Variants in EXOSC2 observed in about 807,000 individuals in gnomAD.
The protein encoded by EXOSC2 is exosome component 2.
Under a neutral mutation model 37.6 loss-of-function variants are expected in EXOSC2, and 29 were observed. That is an observed-to-expected ratio of 0.77 (90% CI 0.57 to 1.05). EXOSC2 has a LOEUF of 1.05. EXOSC2 is among the 50% of genes least tolerant of loss of function. The probability of loss-of-function intolerance (pLI) is 0.00; values close to 1 mark genes in which losing one functional copy is unlikely to be tolerated. For synonymous variants in EXOSC2, 119 were observed against 131.1 expected, an observed-to-expected ratio of 0.91 and a Z score of 0.63; for missense variants, 346 against 365.6, an observed-to-expected ratio of 0.95 and a Z score of 0.44.
In EXOSC2 at chr9:130,698,116, C is replaced by A; in HGVS notation, c.271-46C>A. On this transcript the variant is annotated intron_variant, in intron 3 of 8. Coordinates refer to ENST00000372358, the MANE Select transcript of EXOSC2 (RefSeq NM_014285.7). This position sits in a 1 kb window ranked among gnomAD's most constrained non-coding sequence, Gnocchi z 4.1. Reference sequence around the variant, plus strand: ...GCCTTACTGGTTATTTATGATATGACACATGAACATGGAGCATGTGTCCAG... The same window carrying A: ...GCCTTACTGGTTATTTATGATATGAAACATGAACATGGAGCATGTGTCCAG... 1.3e-6 allele frequency: 2 copies of A among 1,564,342 alleles called. No homozygotes were observed. Among genetic ancestry groups the A allele is most frequent in the Non-Finnish European group, 1.8e-6 (2 of 1,135,194 alleles).
intron 6 of EXOSC2, 102 bp from the exon 7 acceptor site, chr9:130,702,032 A>G: frequency 6.8e-7 from 1 of 1,475,594 alleles, no homozygotes; most frequent in African/African-American, 1.4e-5. Context: ...ATAAACAGGA[A>G]GGACACCAAT....
Position 130,698,314 on chromosome 9 carries a change from T to G in EXOSC2, c.360+63T>G, listed in dbSNP as rs922259335. ...TGGGCTGGGGGGAGCCGTGGGACCC[T>G]TTGTTCCACCAGAGGACTTTGATTT... On this transcript the variant is annotated intron_variant, in intron 4 of 8. Transcript: ENST00000372358. This position sits in a 1 kb window ranked among gnomAD's most constrained non-coding sequence, Gnocchi z 4.1. The G allele has an allele frequency of 2.7e-6, 4 of 1,468,594 alleles. No homozygotes were observed. Among genetic ancestry groups the G allele is most frequent in the Non-Finnish European group, 3.8e-6 (4 of 1,054,630 alleles). The allele number at this position is 1,468,594 out of a possible 1,614,324, so 91.0% of individuals were successfully genotyped here.
chr9:130,693,970 A>T (rs1588194682), intron 1 of EXOSC2, 57 bp downstream of exon 1: 1 of 1,544,892 alleles, frequency 6.5e-7, no homozygotes, highest in East Asian at 2.3e-5. Flanking sequence ...GGCTCTCTGC[A>T]CGTGGTCCAG....
In EXOSC2 at chr9:130,703,083, T is replaced by A; in HGVS notation, c.703T>A (p.Ser235Thr). ...PVSLADREVI[S>T]RLRNCIISLV... Reference sequence around the variant, plus strand: ...CTCTCTTGCTGATCGAGAGGTGATATCCCGGCTTCGGAACTGCATCATCTC... The same window carrying A: ...CTCTCTTGCTGATCGAGAGGTGATAACCCGGCTTCGGAACTGCATCATCTC... The change falls in exon 8 of 9, where the codon TCC becomes ACC. Residue 235 changes from serine (S) to threonine (T), a missense_variant. Coordinates refer to ENST00000372358, the MANE Select transcript of EXOSC2 (RefSeq NM_014285.7). The A allele has an allele frequency of 5.6e-6, 9 of 1,613,962 alleles. No homozygotes were observed. Among genetic ancestry groups the A allele is most frequent in the Non-Finnish European group, 6.8e-6 (8 of 1,179,942 alleles).
At chr9:130,700,354 TTTATTTATTTA>T (rs1438378341) in intron 5 of EXOSC2, among the ~76,000 whole-genome samples, 174 of 147,560 alleles carry the variant, frequency 1.2e-3, no homozygotes, top group Admixed American at 3.3e-3. Flanking sequence ...TATTTATTTA[TTTATTTATTTA>T]TTTATTTTTT....
Position 130,704,784 on chromosome 9 carries a change from T to C in EXOSC2, c.*1010T>C, listed in dbSNP as rs1588203215. The C allele has an allele frequency of 2.6e-5, 4 of 152,214 alleles. No individual in the cohort carries two copies. The South Asian group carries it at 8.3e-4, about 32-fold the overall frequency. The allele number at this position is 152,214 out of a possible 1,614,324, so 9.4% of individuals were successfully genotyped here. ...AAGCAAAGCTGTTTTCATCCTATAA[T>C]TGAAGTAGTGTGGAGCATTAACTTG... is the stretch of plus-strand genomic sequence containing the variant. On this transcript the variant is annotated 3_prime_UTR_variant, in exon 9 of 9. Transcript: ENST00000372358.
At chr9:130,695,122 G>A (rs948973048) in intron 1 of EXOSC2, among the ~76,000 whole-genome samples, 4 of 152,186 alleles carry the variant, frequency 2.6e-5, no homozygotes, top group Non-Finnish European at 4.4e-5. Flanking sequence ...AGTTCTAACA[G>A]GGAGAGATAG....
Position 130,700,565 on chromosome 9 carries a change from G to T in EXOSC2, c.427-302G>T, listed in dbSNP as rs9802294. Among the ~76,000 whole-genome samples the T allele has an allele frequency of 0.25, 37,317 of 151,180 alleles. 5,434 individuals are homozygous for T. The highest frequency in any genetic ancestry group is 0.53 in the East Asian group (2,666 of 5,048). On this transcript the variant is annotated intron_variant, in intron 5 of 8. Transcript: ENST00000372358. ...GTAGAGACGGGGTTTCTCCATGTTG[G>T]TCAGGCTGGTCTAGAACTCCTGACC... is the stretch of plus-strand genomic sequence containing the variant.
At chr9:130,699,947 C>T (rs1039308017) in intron 5 of EXOSC2, among the ~76,000 whole-genome samples, 3 of 152,202 alleles carry the variant, frequency 2.0e-5, no homozygotes, top group Non-Finnish European at 2.9e-5. Context: ...CTCAAGGCTA[C>T]AGTAAGCTAT....
At chr9:130,697,706 T>C in intron 3 of EXOSC2, 79 bp downstream of exon 3, 1 of 1,357,672 alleles carries the variant, frequency 7.4e-7, no homozygotes, top group African/African-American at 1.4e-5. Context: ...ATTCCACTTG[T>C]AGTTACATGA....
chr9:130,697,604 A>G lies in EXOSC2; in HGVS notation c.247A>G (p.Ile83Val). 6.2e-7 allele frequency: 1 copy of G among 1,614,170 alleles called. No individual in the cohort carries two copies. The highest frequency in any genetic ancestry group is 1.1e-5 in the South Asian group (1 of 91,088). Residue 83 changes from isoleucine to valine, a missense_variant, in exon 3 of 9, where the codon ATC (isoleucine) becomes GTC (valine). Transcript: ENST00000372358. The stretch of plus-strand genomic sequence containing the variant: ...CAGATACATTGGTGAAGTAGGAGAC[A>G]TCGTAGTGGGACGAATCACAGAGGT... ...KTRYIGEVGD[I>V]VVGRITEVQQ...
In EXOSC2 at chr9:130,704,062, A is replaced by G; in HGVS notation, c.*288A>G. 1 of 249,704 alleles carries G rather than the reference A, an allele frequency of 4.0e-6. No individual in the cohort carries two copies. Among genetic ancestry groups the G allele is most frequent in the Non-Finnish European group, 7.6e-6 (1 of 130,906 alleles). The allele number at this position is 249,704 out of a possible 1,614,324, so 15.5% of individuals were successfully genotyped here. On this transcript the variant is annotated 3_prime_UTR_variant, in exon 9 of 9. Transcript: ENST00000372358. The stretch of plus-strand genomic sequence containing the variant: ...CAGTCGAATGGGCTCCCATCCTGGA[A>G]TAATATGGAGAATCCTTTGTCTTCC...
rs1447826836 is a variant in EXOSC2, at chr9:130,700,880, C to T, written c.440C>T (p.Ala147Val). ...EGDLISAEVQAVFSDGAVSLH... is the reference protein window; with the variant it reads ...EGDLISAEVQVVFSDGAVSLH... ...CACCCTGGCCAGGCTGAGGTCCAGG[C>T]AGTGTTCTCTGACGGAGCTGTCTCT... The change falls in exon 6 of 9, where the codon GCA (alanine) becomes GTA (valine). Residue 147 changes from alanine to valine, a missense_variant. Transcript: ENST00000372358. 10 of 1,613,928 alleles carry T rather than the reference C, an allele frequency of 6.2e-6. No homozygotes were observed. The highest frequency in any genetic ancestry group is 1.6e-4 in the Middle Eastern group (1 of 6,072).
intron 2 of EXOSC2, among the ~76,000 whole-genome samples, chr9:130,697,098 T>C (rs1831112903): frequency 6.6e-6 from 1 of 151,838 alleles, no homozygotes; most frequent in Non-Finnish European, 1.5e-5. Context: ...AGTGAAGAGG[T>C]CTAAGGACTT....
intron 5 of EXOSC2, 63 bp downstream of exon 5, chr9:130,699,457 C>T: frequency 6.9e-7 from 1 of 1,456,204 alleles, no homozygotes; most frequent in Non-Finnish European, 9.7e-7. Flanking sequence ...AATGGGCCTT[C>T]CATTGTATGT....
intron 5 of EXOSC2, among the ~76,000 whole-genome samples, chr9:130,700,328 A>ATTTT (rs1309301995): frequency 1.3e-3 from 169 of 132,972 alleles, no homozygotes; most frequent in Non-Finnish European, 1.9e-3. Flanking sequence ...CTCTGTCTTT[A>ATTTT]TTTTATTTAT....
Position 130,704,711 on chromosome 9 carries a change from A to G in EXOSC2, c.*937A>G, listed in dbSNP as rs1831289560. The G allele has an allele frequency of 1.3e-5, 2 of 152,070 alleles. No individual in the cohort carries two copies. The highest frequency in any genetic ancestry group is 1.3e-4 in the Admixed American group (2 of 15,254). The allele number at this position is 152,070 out of a possible 1,614,324, so 9.4% of individuals were successfully genotyped here. A position where few individuals can be genotyped will look rare whatever the true frequency, so the allele number is the denominator to read the frequency against. ...TACAGTGAATGTTCTGGGTCCATGTACTCAGATAAACATGAAGAAAATAAG... is the reference window on the plus strand; with the variant it reads ...TACAGTGAATGTTCTGGGTCCATGTGCTCAGATAAACATGAAGAAAATAAG... On this transcript the variant is annotated 3_prime_UTR_variant, in exon 9 of 9. Transcript: ENST00000372358.
chr9:130,699,413 T>C lies in EXOSC2; in HGVS notation c.426+19T>C. ...TATCAGTGTATCCTGCGCTTTGCAC[T>C]CCAGCCTCTTGATGCTTTTCTGTGG... On this transcript the variant is annotated intron_variant, in intron 5 of 8. Coordinates refer to ENST00000372358, the MANE Select transcript of EXOSC2 (RefSeq NM_014285.7). The C allele has an allele frequency of 6.2e-7, 1 of 1,612,708 alleles. No individual in the cohort carries two copies. The highest frequency in any genetic ancestry group is 1.1e-5 in the South Asian group (1 of 91,050).
In EXOSC2 at chr9:130,700,369, A is replaced by T. The variant is rs989132041; in HGVS notation, c.427-498A>T. 2.5e-3 allele frequency among the ~76,000 whole-genome samples: 316 copies of T among 128,334 alleles called. 3 individuals carry two copies. The highest frequency in any genetic ancestry group is 8.4e-3 in the African/African-American group (277 of 32,806). 84.2% of individuals were successfully genotyped at this position (128,334 alleles called of 152,430 possible). ...TATTTATTTATTTATTTATTTATTT[A>T]TTTTTTTGAGACGGAGTTTCACTCT... On this transcript the variant is annotated intron_variant, in intron 5 of 8. Transcript: ENST00000372358.
Sources: gnomAD v4.1 joint callset for allele counts (sites outside exome capture counted in the v4.1 genomes callset) on GRCh38, gnomAD v4.1.1 for gene constraint, Gnocchi (gnomAD v3.1) non-coding constraint, MANE v1.5 for transcripts, NCBI Gene and HGNC (gene_info 2026-07-23, HGNC 2026-07-21) for gene names.